NELL1: variants seen among roughly 807,000 people sequenced by gnomAD.
The protein encoded by NELL1 is protein kinase C-binding protein NELL1.
NELL1 carries 76 observed loss-of-function variants against 107.4 expected under a neutral mutation model. The observed-to-expected ratio is 0.71, with a 90% confidence interval of 0.59 to 0.86. The LOEUF (loss-of-function observed/expected upper bound fraction) is 0.86. Among genes scored for constraint, NELL1 ranks in the 40% least tolerant of loss-of-function variants. The probability of loss-of-function intolerance (pLI) is 0.00; values close to 1 mark genes in which losing one functional copy is unlikely to be tolerated. For synonymous variants in NELL1, 353 were observed against 341.2 expected (o/e 1.03, Z -0.38); for missense variants, 1,024 against 1,005.5 (o/e 1.02, Z -0.25).
At chr11:21,015,675 T>C (rs1852548176) in intron 12 of NELL1, among the ~76,000 whole-genome samples, 1 of 151,658 alleles carries the variant, frequency 6.6e-6, no homozygotes, top group South Asian at 2.1e-4. Context: ...TTTTTTTCCC[T>C]CCTCTAGTTC....
chr11:21,474,345 G>A, intron 15 of NELL1, among the ~76,000 whole-genome samples: 1 of 151,916 alleles, frequency 6.6e-6, no homozygotes, highest in Non-Finnish European at 1.5e-5. Flanking sequence ...CTGGTTTAAT[G>A]TAGATCTCCC....
chr11:21,075,975 T>C (rs755917331), intron 12 of NELL1, among the ~76,000 whole-genome samples: 6 of 152,218 alleles, frequency 3.9e-5, no homozygotes, highest in Non-Finnish European at 7.3e-5. Context: ...CTTGGAATTT[T>C]ATTGATTCTG....
At chr11:21,086,285 G>C (rs945915212) in intron 12 of NELL1, among the ~76,000 whole-genome samples, 1 of 152,006 alleles carries the variant, frequency 6.6e-6, no homozygotes, top group Non-Finnish European at 1.5e-5. Context: ...TCAGCCTCTT[G>C]ATTTTCAAAC....
intron 13 of NELL1, among the ~76,000 whole-genome samples, chr11:21,113,916 C>A (rs767307945): frequency 1.4e-4 from 21 of 151,952 alleles, no homozygotes; most frequent in Non-Finnish European, 2.8e-4. Context: ...AATATTTCTG[C>A]CTCTGTGTGT....
chr11:21,313,140 A>G (rs1019966106), intron 14 of NELL1, among the ~76,000 whole-genome samples: 3 of 152,150 alleles, frequency 2.0e-5, no homozygotes, highest in Non-Finnish European at 4.4e-5. Context: ...TAGGATTTAT[A>G]AAGGTGAATG....
chr11:20,946,113 G>T (rs1191171766), intron 10 of NELL1, among the ~76,000 whole-genome samples: 2 of 152,146 alleles, frequency 1.3e-5, no homozygotes, highest in Non-Finnish European at 2.9e-5. Flanking sequence ...TTTAAGAATG[G>T]GTATTCCTGA....
chr11:21,245,741 G>A (rs1444742863), intron 14 of NELL1, among the ~76,000 whole-genome samples: 1 of 152,150 alleles, frequency 6.6e-6, no homozygotes, highest in Non-Finnish European at 1.5e-5. Context: ...CAATAAAATA[G>A]TTGTGAGGAT....
At chr11:21,234,234 C>T (rs927662757) in intron 14 of NELL1, among the ~76,000 whole-genome samples, 8 of 152,164 alleles carry the variant, frequency 5.3e-5, no homozygotes, top group Non-Finnish European at 1.2e-4. Flanking sequence ...GCAGGAAAAA[C>T]TTGCAAATTA....
At chr11:20,849,885 T>TG (rs1453668698) in intron 4 of NELL1, among the ~76,000 whole-genome samples, 2 of 151,956 alleles carry the variant, frequency 1.3e-5, no homozygotes, top group Admixed American at 1.3e-4. Context: ...GCTTTGCCTC[T>TG]GACCTACTGG....
rs567021206 is a variant in NELL1 at position 21,172,881 on chromosome 11, G to A, written c.1427-56451G>A. On this transcript the variant is annotated intron_variant, in intron 13 of 19. Transcript: ENST00000357134. ...TATTTTTTAAATGTAGGCCTTTCAT[G>A]GATCTTGTAAGACTTCACTCTTTGG... 5.3e-5 allele frequency among the ~76,000 whole-genome samples: 8 copies of A among 151,424 alleles called. No homozygotes were observed. The South Asian group carries it at 1.5e-3, about 28-fold the overall frequency.
intron 16 of NELL1, among the ~76,000 whole-genome samples, chr11:21,542,197 G>A (rs1355318774): frequency 6.6e-6 from 1 of 152,066 alleles, no homozygotes; most frequent in Non-Finnish European, 1.5e-5. Flanking sequence ...CATTGTAAAG[G>A]TGAAGAAAAT....
chr11:21,342,722 AG>A (rs1465337316), intron 14 of NELL1, among the ~76,000 whole-genome samples: 2 of 151,506 alleles, frequency 1.3e-5, no homozygotes, highest in Non-Finnish European at 2.9e-5. Flanking sequence ...AGAGAGAGAG[AG>A]AGAAAGAGAA....
At chr11:21,364,359 C>T (rs112384099) in intron 14 of NELL1, among the ~76,000 whole-genome samples, 5 of 129,840 alleles carry the variant, frequency 3.9e-5, no homozygotes, top group African/African-American at 9.4e-5. Flanking sequence ...TGCAGTGAGC[C>T]GAGATCACAC....
intron 2 of NELL1, among the ~76,000 whole-genome samples, chr11:20,690,172 C>G (rs1256611366): frequency 2.0e-5 from 3 of 152,138 alleles, no homozygotes; most frequent in African/African-American, 7.2e-5. Context: ...ATTGCAGATT[C>G]TGGATATTAG....
chr11:20,812,367 A>G lies in NELL1; in HGVS notation c.335+28537A>G, dbSNP rs529903520. 6.6e-5 allele frequency among the ~76,000 whole-genome samples: 10 copies of G among 152,234 alleles called. No homozygotes were observed. In the East Asian group the frequency reaches 1.5e-3, roughly 23 times the overall value. ...TATTTTGTTGAGAATTTTTGTGTCT[A>G]TATTCATCAGGGATATGGGTCTGTA... On this transcript the variant is annotated intron_variant, in intron 3 of 19. Coordinates refer to ENST00000357134, the MANE Select transcript of NELL1 (RefSeq NM_006157.5).
intron 14 of NELL1, among the ~76,000 whole-genome samples, chr11:21,361,854 G>A (rs1851083889): frequency 6.6e-6 from 1 of 151,842 alleles, no homozygotes; most frequent in African/African-American, 2.4e-5. Flanking sequence ...TTTCCTTTAT[G>A]ATATCTATTT....
intron 13 of NELL1, among the ~76,000 whole-genome samples, chr11:21,198,468 G>T (rs956599137): frequency 6.6e-6 from 1 of 152,178 alleles, no homozygotes; most frequent in Non-Finnish European, 1.5e-5. Flanking sequence ...TGGAAAATCT[G>T]CCACAGACAC....
At chr11:21,191,484 C>A (rs1013054335) in intron 13 of NELL1, among the ~76,000 whole-genome samples, 2 of 151,820 alleles carry the variant, frequency 1.3e-5, no homozygotes, top group African/African-American at 2.4e-5. Context: ...CCAGTGAGAC[C>A]CATTTTGGAC....
intron 2 of NELL1, among the ~76,000 whole-genome samples, chr11:20,732,064 G>T (rs1468642284): frequency 2.0e-5 from 3 of 152,070 alleles, no homozygotes; most frequent in African/African-American, 7.2e-5. Context: ...GACTTGCCTA[G>T]CTTTCTGCTG....
Sources: allele counts gnomAD v4.1 joint callset (sites outside exome capture counted in the v4.1 genomes callset), GRCh38; gene constraint gnomAD v4.1.1; transcripts MANE v1.5; gene names NCBI Gene and HGNC (gene_info 2026-07-23, HGNC 2026-07-21).